PES1: variants seen among roughly 807,000 people sequenced by gnomAD.
The protein encoded by PES1 is pescadillo homolog.
PES1 carries 31 observed loss-of-function variants against 77.1 expected under a neutral mutation model. That is an observed-to-expected ratio of 0.40 (90% confidence interval 0.30 to 0.54). PES1 has a LOEUF of 0.54. Ranked by LOEUF, PES1 falls within the 20% of genes least tolerant of loss-of-function variation. PES1 has a pLI of 0.45. For missense variants in PES1, 658 were observed against 771.7 expected, an observed-to-expected ratio of 0.85 and a Z score of 1.75; for synonymous variants, 282 against 303.0, an observed-to-expected ratio of 0.93 and a Z score of 0.72.
rs550973351 is a variant in PES1 at position 30,603,163 on chromosome 22, G to A, written c.-661+2298C>T. On this transcript the variant is annotated intron_variant, in intron 2 of 16. Transcript: ENST00000402281. Reference sequence around the variant, plus strand: ...TGACCTCAGGTGATCCACCCACCTCGGCCTCCCAAAGGGCTGGGATTTCAG... The same window carrying A: ...TGACCTCAGGTGATCCACCCACCTCAGCCTCCCAAAGGGCTGGGATTTCAG... 4.6e-5 allele frequency among the ~76,000 whole-genome samples: 7 copies of A among 151,988 alleles called. No homozygotes were observed. The South Asian group carries it at 1.0e-3, about 23-fold the overall frequency.
intron 2 of PES1, among the ~76,000 whole-genome samples, chr22:30,600,808 C>T (rs1017771163): frequency 5.9e-5 from 9 of 152,148 alleles, no homozygotes; most frequent in Non-Finnish European, 8.8e-5. Context: ...GAGCGCGAGA[C>T]TCCATCTCAA....
intron 2 of PES1, among the ~76,000 whole-genome samples, chr22:30,604,769 T>G (rs1471435773): frequency 6.6e-6 from 1 of 151,982 alleles, no homozygotes; most frequent in Non-Finnish European, 1.5e-5. Flanking sequence ...CCAAGCTAGT[T>G]TTCACCACAA....
intron 1 of PES1, among the ~76,000 whole-genome samples, chr22:30,590,465 C>T (rs1231707355): frequency 6.6e-6 from 1 of 152,140 alleles, no homozygotes; most frequent in East Asian, 1.9e-4. Flanking sequence ...TCATTCTTTC[C>T]TTTAGACATT....
At chr22:30,602,365 CTG>C (rs1035921669) in intron 2 of PES1, among the ~76,000 whole-genome samples, 7 of 151,908 alleles carry the variant, frequency 4.6e-5, no homozygotes, top group Admixed American at 2.0e-4. Flanking sequence ...CCATGCACAA[CTG>C]TGAGTCAATT....
At chr22:30,584,132 T>C (rs764462701) in intron 6 of PES1, 16 of 558,954 alleles carry the variant, frequency 2.9e-5, no homozygotes, top group Non-Finnish European at 3.5e-5. Context: ...CACAGAGAGG[T>C]GAAAGGAACA....
chr22:30,578,783 T>C, intron 14 of PES1, 54 bp downstream of exon 14: 1 of 1,584,880 alleles, frequency 6.3e-7, no homozygotes, highest in South Asian at 1.1e-5. Context: ...AGTTCACCTG[T>C]GCAGTTGGGT....
At position 30,589,253 on chromosome 22, in the gene PES1, G is replaced by A; in HGVS notation, c.42C>T (p.Ala14=). The A allele has an allele frequency of 6.2e-7, 1 of 1,613,838 alleles. No individual in the cohort carries two copies. Among genetic ancestry groups the A allele is most frequent in the Non-Finnish European group, 8.5e-7 (1 of 1,179,870 alleles). ...CTTTGTTCCGGGTGATGTAGTTGGT[G>A]GCCGAGCCTCGTTCATACTGGGAGA... The part of the protein sequence containing the change: ...LEKKKYERGS[A]TNYITRNKAR... Residue 14 remains alanine, a synonymous_variant, in exon 2 of 15, where the codon GCC becomes GCT. Coordinates refer to ENST00000354694, the MANE Select transcript of PES1 (RefSeq NM_014303.4).
intron 4 of PES1, among the ~76,000 whole-genome samples, chr22:30,585,912 G>A (rs2087080297): frequency 6.6e-6 from 1 of 152,152 alleles, no homozygotes. Context: ...CTCTGATGAG[G>A]CAGCAGAACA....
intron 2 of PES1, among the ~76,000 whole-genome samples, chr22:30,600,519 T>C (rs929969674): frequency 6.7e-6 from 1 of 150,052 alleles, no homozygotes; most frequent in Non-Finnish European, 1.5e-5. Context: ...CCTGTCTCTA[T>C]TAAATATAAA....
At chr22:30,598,625 T>C (rs1381671740) in intron 2 of PES1, among the ~76,000 whole-genome samples, 2 of 152,024 alleles carry the variant, frequency 1.3e-5, no homozygotes, top group Non-Finnish European at 2.9e-5. Flanking sequence ...AGTTGGGTTT[T>C]GCCATGCTGG....
chr22:30,580,538 C>A, intron 10 of PES1, 33 bp downstream of exon 10: 2 of 1,612,730 alleles, frequency 1.2e-6, no homozygotes, highest in East Asian at 4.5e-5. Flanking sequence ...ATGGCCGAAC[C>A]AATGCTGTCA....
intron 9 of PES1, 31 bp from the exon 10 acceptor site, chr22:30,580,732 C>T (rs774069893): frequency 3.7e-6 from 6 of 1,610,954 alleles, no homozygotes; most frequent in African/African-American, 1.3e-5. Flanking sequence ...CCTCGCACCA[C>T]CAGGGCTGCC....
chr22:30,592,326 C>A, upstream of PES1: 1 of 990,308 alleles, frequency 1.0e-6, no homozygotes, highest in Non-Finnish European at 1.2e-6. Flanking sequence ...AAGCGGTTCC[C>A]GAGGGGCAGG....
At chr22:30,591,611 C>G (rs1439768736) in intron 1 of PES1, among the ~76,000 whole-genome samples, 199 bp downstream of exon 1, 1 of 152,188 alleles carries the variant, frequency 6.6e-6, no homozygotes, top group Non-Finnish European at 1.5e-5. Context: ...AGAAAGAACT[C>G]TGGAGTTCGT....
In PES1 at chr22:30,588,066, C is replaced by A. The variant is rs749470192; in HGVS notation, c.213G>T (p.Arg71Ser). Residue 71 changes from arginine to serine, a missense_variant, in exon 3 of 15, where the codon AGG (arginine) becomes AGT (serine). Coordinates refer to ENST00000354694, the MANE Select transcript of PES1 (RefSeq NM_014303.4). Reference sequence around the variant, plus strand: ...TGACAATGGGTTCGTGGAGGAGAAACCTGATGTCTTTGATAAGGTAAAACG... The same window carrying A: ...TGACAATGGGTTCGTGGAGGAGAAAACTGATGTCTTTGATAAGGTAAAACG... ...ARTFYLIKDI[R>S]FLLHEPIVNK... is the part of the protein sequence containing the mutation. 2.1e-5 allele frequency: 34 copies of A among 1,613,990 alleles called. No individual in the cohort carries two copies. The Admixed American group carries it at 5.7e-4, about 27-fold the overall frequency.
intron 2 of PES1, among the ~76,000 whole-genome samples, chr22:30,603,352 C>G (rs986467760): frequency 1.3e-5 from 2 of 151,948 alleles, no homozygotes; most frequent in African/African-American, 4.8e-5. Context: ...TCCTCTTCCT[C>G]CTTTTCTTTC....
intron 4 of PES1, chr22:30,585,415 A>G (rs2087067408): frequency 2.2e-6 from 1 of 455,516 alleles, no homozygotes; most frequent in Non-Finnish European, 4.6e-6. Context: ...ACACGGAACC[A>G]CAAGTAACGA....
In PES1 at chr22:30,580,530, G is replaced by A. The variant is rs374713524; in HGVS notation, c.1043+41C>T. On this transcript the variant is annotated intron_variant, in intron 10 of 14. Transcript: ENST00000354694. ...CAGGGCAGGACCCAGACCAGAGCATGGCCGAACCAATGCTGTCAGCGGGCC... is the reference window on the plus strand; with the variant it reads ...CAGGGCAGGACCCAGACCAGAGCATAGCCGAACCAATGCTGTCAGCGGGCC... 6.5e-5 allele frequency: 104 copies of A among 1,611,230 alleles called. No individual in the cohort carries two copies. The African/African-American group carries it at 1.3e-3, about 20-fold the overall frequency.
At chr22:30,592,354 T>TCC, upstream of PES1, 1 of 989,172 alleles carries the variant, frequency 1.0e-6, no homozygotes, top group South Asian at 4.6e-5. Context: ...TGCGCTGAGT[T>TCC]CCCACCGGCT....
Sources: gnomAD v4.1 joint callset for allele counts (sites outside exome capture counted in the v4.1 genomes callset) on GRCh38, gnomAD v4.1.1 for gene constraint, MANE v1.5 for transcripts, NCBI Gene and HGNC (gene_info 2026-07-23, HGNC 2026-07-21) for gene names.